SLC71A2: variants seen among roughly 807,000 people sequenced by gnomAD.
SLC71A2 encodes solute carrier family 71 member 2.
At chr9:94,415,959 A>G in the SLC71A2 span, among the ~76,000 whole-genome samples, 5 of 152,214 alleles carry the variant, frequency 3.3e-5, no homozygotes, top group African/African-American at 1.2e-4. Context: ...ATTGGTGAGT[A>G]CTTTGTAACA....
the SLC71A2 span, among the ~76,000 whole-genome samples, chr9:94,457,295 T>C: frequency 6.6e-6 from 1 of 152,138 alleles, no homozygotes; most frequent in Admixed American, 6.5e-5. Context: ...ATGGCTAGAT[T>C]TAATCTCTTT....
the SLC71A2 span, among the ~76,000 whole-genome samples, chr9:94,444,281 G>A: frequency 6.6e-6 from 1 of 152,164 alleles, no homozygotes; most frequent in African/African-American, 2.4e-5. Flanking sequence ...TCAGGTTGTG[G>A]GTGTGCTTAG....
chr9:94,416,177 T>C, the SLC71A2 span, among the ~76,000 whole-genome samples: 5 of 152,180 alleles, frequency 3.3e-5, no homozygotes, highest in Non-Finnish European at 5.9e-5. Flanking sequence ...TAATAAAATA[T>C]TTTAAACTGG....
chr9:94,450,315 T>C, the SLC71A2 span, among the ~76,000 whole-genome samples: 8 of 152,302 alleles, frequency 5.3e-5, no homozygotes, highest in East Asian at 1.5e-3. Context: ...AAACAAAATG[T>C]TAATGTCAGC....
At chr9:94,410,095 C>T in the SLC71A2 span, among the ~76,000 whole-genome samples, 1 of 148,460 alleles carries the variant, frequency 6.7e-6, no homozygotes, top group African/African-American at 2.5e-5. Context: ...AGGACGATGG[C>T]TTTTTTTTTT....
chr9:94,435,249 C>T, the SLC71A2 span, among the ~76,000 whole-genome samples: 2 of 152,174 alleles, frequency 1.3e-5, no homozygotes, highest in African/African-American at 4.8e-5. Context: ...TTAACTGTGT[C>T]ACTAAATAAA....
chr9:94,378,769 A>G, the SLC71A2 span, among the ~76,000 whole-genome samples: 13 of 152,184 alleles, frequency 8.5e-5, no homozygotes, highest in African/African-American at 3.1e-4. Flanking sequence ...ACATTTCAAC[A>G]TGAGATTTGG....
At chr9:94,458,447 A>T in the SLC71A2 span, 1 of 1,613,976 alleles carries the variant, frequency 6.2e-7, no homozygotes, top group African/African-American at 1.3e-5. Context: ...ATTGAATTCT[A>T]ACAACGTTCC....
the SLC71A2 span, among the ~76,000 whole-genome samples, chr9:94,378,560 G>A: frequency 2.5e-4 from 38 of 151,886 alleles, no homozygotes; most frequent in Middle Eastern, 3.4e-3. Flanking sequence ...ACTGGGAGGC[G>A]CCACTGCACT....
chr9:94,422,956 TG>T, the SLC71A2 span, among the ~76,000 whole-genome samples: 10 of 147,994 alleles, frequency 6.8e-5, no homozygotes, highest in African/African-American at 1.7e-4. Context: ...TTTTTCTAGA[TG>T]GAGTCTTGCT....
At chr9:94,454,271 T>C in the SLC71A2 span, among the ~76,000 whole-genome samples, 45 of 152,336 alleles carry the variant, frequency 3.0e-4, no homozygotes, top group African/African-American at 9.9e-4. Context: ...CTTTATGTCA[T>C]TGGACTTTCA....
the SLC71A2 span, among the ~76,000 whole-genome samples, chr9:94,403,067 A>C: frequency 2.0e-5 from 3 of 152,128 alleles, no homozygotes; most frequent in Non-Finnish European, 4.4e-5. Flanking sequence ...ACTGTCTATG[A>C]ATTTAATTAC....
chr9:94,450,493 CTTTT>C, the SLC71A2 span, among the ~76,000 whole-genome samples: 1 of 102,026 alleles, frequency 9.8e-6, no homozygotes, highest in Non-Finnish European at 1.8e-5. Flanking sequence ...AATAATGTAA[CTTTT>C]TTTTTTTTTT....
chr9:94,387,683 T>G, the SLC71A2 span, among the ~76,000 whole-genome samples: 1 of 152,234 alleles, frequency 6.6e-6, no homozygotes. Context: ...CTTAGTTCCT[T>G]ATGTTGCCTA....
chr9:94,449,315 T>C, the SLC71A2 span, among the ~76,000 whole-genome samples: 2 of 152,218 alleles, frequency 1.3e-5, no homozygotes, highest in African/African-American at 4.8e-5. Context: ...ATGTGATATT[T>C]GAAGATCATA....
chr9:94,408,738 T>C, the SLC71A2 span, among the ~76,000 whole-genome samples: 1 of 150,394 alleles, frequency 6.6e-6, no homozygotes, highest in Non-Finnish European at 1.5e-5. Flanking sequence ...GTCTTCTGTT[T>C]TCTTGGTTTG....
At chr9:94,396,345 A>G in the SLC71A2 span, among the ~76,000 whole-genome samples, 1 of 152,120 alleles carries the variant, frequency 6.6e-6, no homozygotes, top group Admixed American at 6.5e-5. Flanking sequence ...CTGAAACCCC[A>G]TCTCTACTAA....
chr9:94,396,928 A>G, the SLC71A2 span, among the ~76,000 whole-genome samples: 3 of 151,966 alleles, frequency 2.0e-5, no homozygotes, highest in Non-Finnish European at 4.4e-5. Context: ...GCGCCGCCAC[A>G]CCCAGCTAAT....
the SLC71A2 span, chr9:94,438,423 C>T: frequency 1.2e-6 from 2 of 1,614,044 alleles, no homozygotes; most frequent in Non-Finnish European, 1.7e-6. Flanking sequence ...TTTTTGAGTG[C>T]CCCACTCATT....
Sources: allele counts gnomAD v4.1 joint callset (sites outside exome capture counted in the v4.1 genomes callset), GRCh38; gene constraint gnomAD v4.1.1; transcripts MANE v1.5; gene names NCBI Gene and HGNC (gene_info 2026-07-23, HGNC 2026-07-21).